The following HYDIN variants were observed in gnomAD, a reference collection of about 807,000 sequenced individuals.
The protein encoded by HYDIN is HYDIN axonemal central pair apparatus protein.
Under a neutral mutation model 403.9 loss-of-function variants are expected in HYDIN, and 132 were observed. The ratio of observed to expected loss-of-function variants is 0.33; its 90% CI spans 0.28 to 0.38. The LOEUF (loss-of-function observed/expected upper bound fraction) is 0.38. Among genes scored for constraint, HYDIN ranks in the 10% least tolerant of loss-of-function variants. HYDIN has a pLI of 1.00. For missense variants in HYDIN, 2,827 were observed against 5,009.5 expected (o/e 0.56, Z 13.15); for synonymous variants, 1,202 against 1,891.7 (o/e 0.64, Z 9.46).
intron 16 of HYDIN, 151 bp from the exon 17 acceptor site, chr16:71,062,484 G>C: frequency 1.7e-6 from 1 of 578,416 alleles, no homozygotes; most frequent in Non-Finnish European, 3.0e-6. Context: ...ACCCCAATTC[G>C]GCCAAAAGGA....
chr16:71,196,348 T>C (rs1033053216), intron 1 of HYDIN, among the ~76,000 whole-genome samples: 11 of 152,208 alleles, frequency 7.2e-5, no homozygotes, highest in Non-Finnish European at 1.0e-4. Context: ...TCCAATTAAC[T>C]GAGTGCCTCA....
intron 7 of HYDIN, among the ~76,000 whole-genome samples, chr16:71,151,273 A>C (rs1309363931): frequency 3.9e-5 from 6 of 152,046 alleles, no homozygotes; most frequent in Admixed American, 6.5e-5. Context: ...AGACCACATC[A>C]CTGGCTGGTC....
In HYDIN at chr16:70,859,076, C is replaced by A. The variant is rs58542507; in HGVS notation, c.12129+992G>T. Among the ~76,000 whole-genome samples the A allele has an allele frequency of 1.1e-4, 16 of 151,524 alleles. No individual in the cohort carries two copies. In the East Asian group the frequency reaches 1.7e-3, roughly 17 times the overall value. ...CAGCACTTTGGGAGGCCGAGACGGG[C>A]AGATCACGAGGTCAGGAGATTGAGA... On this transcript the variant is annotated intron_variant, in intron 71 of 85. Transcript: ENST00000393567.
intron 1 of HYDIN, among the ~76,000 whole-genome samples, chr16:71,219,226 A>C (rs1176805347): frequency 1.1e-4 from 16 of 152,184 alleles, no homozygotes; most frequent in Non-Finnish European, 7.3e-5. Context: ...AGACACAGAT[A>C]CAGTCAGATC....
chr16:71,157,772 G>A (rs1348221596), intron 6 of HYDIN, among the ~76,000 whole-genome samples: 1 of 140,002 alleles, frequency 7.1e-6, no homozygotes, highest in African/African-American at 2.7e-5. Flanking sequence ...GAAGATGGGA[G>A]AGGTGAGAAC....
At chr16:71,119,884 C>A (rs2084190645) in intron 9 of HYDIN, among the ~76,000 whole-genome samples, 1 of 151,794 alleles carries the variant, frequency 6.6e-6, no homozygotes, top group South Asian at 2.1e-4. Flanking sequence ...TGAAAGATTT[C>A]ATATGACTTC....
At position 70,960,860 on chromosome 16, in the gene HYDIN, T is replaced by G. The variant is rs1200212834; in HGVS notation, c.5969-1040A>C. ...GCATGTGCCACCATGCCCGGCTAAT[T>G]TTTTGTATTTTTAGTACAGACAGGG... On this transcript the variant is annotated intron_variant, in intron 38 of 85. Transcript: ENST00000393567. Among the ~76,000 whole-genome samples the G allele has an allele frequency of 4.6e-5, 7 of 151,966 alleles. No individual in the cohort carries two copies. The South Asian group carries it at 6.2e-4, about 14-fold the overall frequency.
intron 23 of HYDIN, among the ~76,000 whole-genome samples, chr16:71,017,072 GC>G (rs2080285272): frequency 6.6e-6 from 1 of 151,998 alleles, no homozygotes; most frequent in South Asian, 2.1e-4. Flanking sequence ...GGGTACGGTG[GC>G]CCACACCTGT....
intron 7 of HYDIN, among the ~76,000 whole-genome samples, chr16:71,149,810 G>A (rs773176324): frequency 1.3e-5 from 2 of 152,034 alleles, no homozygotes; most frequent in African/African-American, 2.4e-5. Flanking sequence ...TTACAGGTGT[G>A]AGCCACCGCA....
rs920597411 is a variant in HYDIN, at chr16:70,805,705, C to T, written c.*1875G>A. On this transcript the variant is annotated 3_prime_UTR_variant, in exon 86 of 86. Transcript: ENST00000393567. ...ATTATTGGTCAGAGCGATCTTTGCT[C>T]ACTTAACCATTGTGAAAATCTGTCA... Among the ~76,000 whole-genome samples the T allele has an allele frequency of 3.3e-5, 5 of 152,188 alleles. No individual in the cohort carries two copies. Among genetic ancestry groups the T allele is most frequent in the African/African-American group, 7.2e-5 (3 of 41,442 alleles).
chr16:71,188,175 C>A (rs1423866071), intron 1 of HYDIN, among the ~76,000 whole-genome samples: 1 of 151,830 alleles, frequency 6.6e-6, no homozygotes, highest in Non-Finnish European at 1.5e-5. Flanking sequence ...ATCTTTTTCC[C>A]CCCGCCCTAG....
rs569526255 is a variant in HYDIN, at chr16:71,158,606, A to G, written c.716+3925T>C. Among the ~76,000 whole-genome samples the G allele has an allele frequency of 5.3e-5, 8 of 149,816 alleles. No individual in the cohort carries two copies. In the East Asian group the frequency reaches 1.2e-3, roughly 22 times the overall value. ...CTTTTTTTCATAGAAAAAAAAAAAT[A>G]CCATTGTAACAGTTTTTAATGGGTA... On this transcript the variant is annotated intron_variant, in intron 6 of 85. Coordinates refer to ENST00000393567, the MANE Select transcript of HYDIN (RefSeq NM_001270974.2).
chr16:71,016,441 G>T (rs533574131), intron 23 of HYDIN, among the ~76,000 whole-genome samples: 1 of 151,616 alleles, frequency 6.6e-6, no homozygotes, highest in Non-Finnish European at 1.5e-5. Flanking sequence ...CTGTTAGGAC[G>T]GCTGTTACTA....
chr16:70,818,836 C>T (rs939930570), intron 83 of HYDIN, among the ~76,000 whole-genome samples: 10 of 151,814 alleles, frequency 6.6e-5, no homozygotes, highest in Middle Eastern at 3.2e-3. Context: ...GACTGTCCAA[C>T]GCCAGCACTT....
rs76148650 is a variant in HYDIN, at chr16:70,904,478, C to CT, written c.8517-415dup. Among the ~76,000 whole-genome samples, 43 of 25,216 alleles carry CT rather than the reference C, an allele frequency of 1.7e-3. 5 individuals are homozygous for CT. The highest frequency in any genetic ancestry group is 3.1e-3 in the Admixed American group (5 of 1,620). The allele number at this position is 25,216 out of a possible 152,430, so 16.5% of individuals were successfully genotyped here. A position where few individuals can be genotyped will look rare whatever the true frequency, so the allele number is the denominator to read the frequency against. Reference sequence around the variant, plus strand: ...CTGAGAGAGATTATCACTTGAGTAACTTTTTTTTTTTTTTTTTTTTTTTTT... The same window carrying CT: ...CTGAGAGAGATTATCACTTGAGTAACTTTTTTTTTTTTTTTTTTTTTTTTTT... On this transcript the variant is annotated intron_variant, in intron 50 of 85. Transcript: ENST00000393567.
At chr16:71,042,131 T>C (rs1340783838) in intron 18 of HYDIN, among the ~76,000 whole-genome samples, 1 of 151,422 alleles carries the variant, frequency 6.6e-6, no homozygotes, top group Non-Finnish European at 1.5e-5. Context: ...TGCAATACTC[T>C]ACAGACTGTT....
chr16:71,098,204 T>C (rs917137893), intron 10 of HYDIN, among the ~76,000 whole-genome samples: 3 of 106,678 alleles, frequency 2.8e-5, no homozygotes, highest in African/African-American at 2.6e-4. Flanking sequence ...ACTTTCTTTC[T>C]TTTTTTTTTT....
intron 13 of HYDIN, among the ~76,000 whole-genome samples, chr16:71,070,761 T>C (rs1205409333): frequency 1.5e-5 from 2 of 131,342 alleles, no homozygotes; most frequent in African/African-American, 3.3e-5. Flanking sequence ...CTCTTCTACC[T>C]TGAACTCTGC....
At chr16:71,043,314 T>C (rs913686033) in intron 18 of HYDIN, among the ~76,000 whole-genome samples, 11 of 150,862 alleles carry the variant, frequency 7.3e-5, no homozygotes, top group Non-Finnish European at 1.2e-4. Context: ...TGATGAACCT[T>C]CTCCGTAAAT....
Sources: gnomAD v4.1 joint callset for allele counts (sites outside exome capture counted in the v4.1 genomes callset) on GRCh38, gnomAD v4.1.1 for gene constraint, MANE v1.5 for transcripts, NCBI Gene and HGNC (gene_info 2026-07-23, HGNC 2026-07-21) for gene names.